Variants in ATAD2B observed in about 807,000 individuals in gnomAD.
ATAD2B encodes ATPase family AAA domain containing 2B.
Under a neutral mutation model 167.6 loss-of-function variants are expected in ATAD2B, and 40 were observed. That is an observed-to-expected ratio of 0.24 (90% CI 0.19 to 0.31). ATAD2B has a LOEUF of 0.31. ATAD2B is among the 10% of genes least tolerant of loss of function. The pLI is 1.00. For synonymous variants in ATAD2B, 579 were observed against 596.5 expected (o/e 0.97, Z 0.43); for missense variants, 1,242 against 1,757.2 (o/e 0.71, Z 5.24).
At chr2:23,866,358 T>C (rs555574386) in intron 10 of ATAD2B, among the ~76,000 whole-genome samples, 17 of 152,290 alleles carry the variant, frequency 1.1e-4, no homozygotes, top group Non-Finnish European at 2.4e-4. Context: ...TAAGCTGAGA[T>C]TGCGCCATTG....
chr2:23,770,781 C>A, intron 22 of ATAD2B, among the ~76,000 whole-genome samples: 1 of 152,188 alleles, frequency 6.6e-6, no homozygotes, highest in East Asian at 1.9e-4. Context: ...ATTAAGTCTT[C>A]CAGCTGTTTT....
intron 19 of ATAD2B, 144 bp from the exon 20 acceptor site, chr2:23,788,791 C>CTA: frequency 2.9e-6 from 2 of 694,352 alleles, no homozygotes; most frequent in South Asian, 5.3e-5. Flanking sequence ...TAACCTAGTC[C>CTA]TAGGCTATGC....
intron 2 of ATAD2B, 26 bp from the exon 3 acceptor site, chr2:23,888,425 C>T (rs1699002582): frequency 5.5e-6 from 8 of 1,441,762 alleles, no homozygotes; most frequent in Non-Finnish European, 7.5e-6. Context: ...ATTTAATATG[C>T]AAACACATCA....
intron 22 of ATAD2B, among the ~76,000 whole-genome samples, chr2:23,771,408 C>G (rs1444339516): frequency 6.6e-6 from 1 of 152,148 alleles, no homozygotes; most frequent in Non-Finnish European, 1.5e-5. Flanking sequence ...TCTTTCATCA[C>G]TAGTATGATG....
At chr2:23,734,604 A>G in the ATAD2B span, among the ~76,000 whole-genome samples, 20 of 152,310 alleles carry the variant, frequency 1.3e-4, no homozygotes, top group African/African-American at 1.9e-4. Flanking sequence ...ATGGGCAGAG[A>G]AGGAGGAAGA....
the ATAD2B span, chr2:23,696,254 C>T: frequency 2.0e-6 from 3 of 1,499,310 alleles, no homozygotes; most frequent in Non-Finnish European, 2.7e-6. The surrounding 1 kb of genome is among the most constrained non-coding windows in gnomAD (Gnocchi z 5.5). Context: ...AAGCCTTCCT[C>T]TGCCCCTGGG....
rs771839591 is a variant in ATAD2B, at chr2:23,757,971, G to C, written c.3525C>G (p.Asp1175Glu). The change falls in exon 25 of 28, where the codon GAC becomes GAG. Residue 1175 changes from aspartate to glutamate, a missense_variant. Transcript: ENST00000238789. The stretch of plus-strand genomic sequence containing the variant: ...ACTCTCCATTCTCTAATAATTTCCT[G>C]TCCTCCGTATGGTTCTCATAGTCTG... ...KFADYENHTE[D>E]RKLLENGEFE... 3 of 1,613,358 alleles carry C rather than the reference G, an allele frequency of 1.9e-6. No individual in the cohort carries two copies.
chr2:23,808,144 ATAT>A (rs1179722884), intron 18 of ATAD2B, among the ~76,000 whole-genome samples: 3 of 70,322 alleles, frequency 4.3e-5, no homozygotes, highest in Non-Finnish European at 5.8e-5. Context: ...GTGATTACTT[ATAT>A]TATATGTTAT....
At chr2:23,688,552 T>C in the ATAD2B span, among the ~76,000 whole-genome samples, 1 of 152,270 alleles carries the variant, frequency 6.6e-6, no homozygotes. Flanking sequence ...TAGCCATTCC[T>C]CTGCTGAGCA....
intron 17 of ATAD2B, among the ~76,000 whole-genome samples, chr2:23,816,692 T>C (rs1278547225): frequency 6.6e-6 from 1 of 152,180 alleles, no homozygotes; most frequent in Non-Finnish European, 1.5e-5. Context: ...TCTTTATTAC[T>C]TGAATTTTCT....
rs563049909 is a variant in ATAD2B, at chr2:23,829,068, A to T, written c.1729-129T>A. On this transcript the variant is annotated intron_variant, in intron 14 of 27. Transcript: ENST00000238789. ...ACAATCCCATTAAAATTTTTATTTT[A>T]AAAAAAATTTAAACACCTTAGCATC... is the stretch of plus-strand genomic sequence containing the variant. 5.5e-5 allele frequency: 34 copies of T among 620,354 alleles called. No individual in the cohort carries two copies. In the South Asian group the frequency reaches 5.7e-4, roughly 10 times the overall value. 38.4% of individuals were successfully genotyped at this position (620,354 alleles called of 1,614,324 possible).
At chr2:23,849,534 G>C (rs1163716331) in intron 13 of ATAD2B, among the ~76,000 whole-genome samples, 10 of 152,138 alleles carry the variant, frequency 6.6e-5, no homozygotes, top group South Asian at 6.2e-4. Flanking sequence ...CTAAACATCT[G>C]TAAGAAAACA....
chr2:23,866,978 A>G (rs945515906), intron 10 of ATAD2B, among the ~76,000 whole-genome samples: 8 of 152,238 alleles, frequency 5.3e-5, no homozygotes, highest in Middle Eastern at 3.4e-3. Flanking sequence ...TGTGCTATGT[A>G]TCTTCCCCAG....
chr2:23,925,347 G>A (rs925141105), intron 1 of ATAD2B, among the ~76,000 whole-genome samples: 3 of 152,184 alleles, frequency 2.0e-5, no homozygotes, highest in African/African-American at 7.2e-5. Flanking sequence ...TTTCAGAGTA[G>A]TATGGTAAAA....
At chr2:23,887,749 G>A (rs1277388789) in intron 4 of ATAD2B, 83 bp downstream of exon 4, 27 of 1,261,598 alleles carry the variant, frequency 2.1e-5, no homozygotes, top group African/African-American at 1.1e-4. Flanking sequence ...TTGCTAAGTC[G>A]TTGCTTATGT....
rs202104654 is a variant in ATAD2B, at chr2:23,888,207, CT to C, written c.418+142del. On this transcript the variant is annotated intron_variant, in intron 3 of 27. Coordinates refer to ENST00000238789, the MANE Select transcript of ATAD2B (RefSeq NM_017552.4). ...TTTCTCAAAGTTTAACAATTACATACTTTTTTTACTATGACTGAAATTCAGC... is the reference window on the plus strand; with the variant it reads ...TTTCTCAAAGTTTAACAATTACATACTTTTTTACTATGACTGAAATTCAGC... 1.9e-3 allele frequency: 1,398 copies of C among 723,776 alleles called. 15 individuals are homozygous for C. Among genetic ancestry groups the C allele is most frequent in the African/African-American group, 0.018 (949 of 53,234 alleles). 44.8% of individuals were successfully genotyped at this position (723,776 alleles called of 1,614,324 possible).
chr2:23,828,741 T>C (rs1688605881), intron 15 of ATAD2B, 108 bp downstream of exon 15: 2 of 675,028 alleles, frequency 3.0e-6, no homozygotes, highest in East Asian at 2.7e-5. Flanking sequence ...AGACAATCTA[T>C]TGCACAATCA....
At chr2:23,820,517 G>A (rs1687278752) in intron 16 of ATAD2B, among the ~76,000 whole-genome samples, 1 of 152,118 alleles carries the variant, frequency 6.6e-6, no homozygotes, top group South Asian at 2.1e-4. Flanking sequence ...ACTACCACCT[G>A]AAGTATGAAC....
At chr2:23,859,809 G>A (rs571365314) in intron 12 of ATAD2B, among the ~76,000 whole-genome samples, 6 of 150,810 alleles carry the variant, frequency 4.0e-5, no homozygotes, top group Admixed American at 2.6e-4. Context: ...TTAGCCACGC[G>A]TGGCGGGGGG....
Sources: allele counts gnomAD v4.1 joint callset (sites outside exome capture counted in the v4.1 genomes callset), GRCh38; gene constraint gnomAD v4.1.1; non-coding constraint Gnocchi (gnomAD v3.1); transcripts MANE v1.5; gene names NCBI Gene and HGNC (gene_info 2026-07-23, HGNC 2026-07-21).